Variants in DOCK2 observed in about 807,000 individuals in gnomAD.
The protein encoded by DOCK2 is dedicator of cytokinesis protein 2.
Under a neutral mutation model 248.9 loss-of-function variants are expected in DOCK2, and 87 were observed. The observed-to-expected ratio is 0.35, with a 90% CI of 0.29 to 0.42. DOCK2 has a LOEUF of 0.42. Among genes scored for constraint, DOCK2 ranks in the 10% least tolerant of loss-of-function variants. The pLI is 1.00. For missense variants in DOCK2, 1,747 were observed against 2,300.2 expected, an observed-to-expected ratio of 0.76 and a Z score of 4.92; for synonymous variants, 805 against 821.6, an observed-to-expected ratio of 0.98 and a Z score of 0.35.
intron 1 of DOCK2, among the ~76,000 whole-genome samples, chr5:169,653,780 C>A (rs1757939305): frequency 6.6e-6 from 1 of 152,246 alleles, no homozygotes; most frequent in South Asian, 2.1e-4. Flanking sequence ...CATTAGAATA[C>A]AAGGCCCTGG....
At chr5:169,850,730 A>T (rs1770578414) in intron 27 of DOCK2, among the ~76,000 whole-genome samples, 2 of 152,154 alleles carry the variant, frequency 1.3e-5, no homozygotes, top group Admixed American at 6.5e-5. Flanking sequence ...CTAGGCCTAA[A>T]ATATATATAC....
chr5:169,645,303 T>A (rs1757396088), intron 1 of DOCK2, among the ~76,000 whole-genome samples: 1 of 152,222 alleles, frequency 6.6e-6, no homozygotes, highest in Admixed American at 6.5e-5. Context: ...ATCTATAGTT[T>A]CTTGACTTTT....
intron 30 of DOCK2, among the ~76,000 whole-genome samples, chr5:169,998,460 A>G (rs902547742): frequency 1.3e-5 from 2 of 152,244 alleles, no homozygotes; most frequent in Admixed American, 6.5e-5. Flanking sequence ...TGACAATGAG[A>G]GCGATAATAA....
intron 34 of DOCK2, among the ~76,000 whole-genome samples, chr5:170,031,612 T>A (rs189463438): frequency 6.6e-6 from 1 of 152,344 alleles, no homozygotes; most frequent in East Asian, 1.9e-4. Context: ...AGTATCATTA[T>A]ATATTATGGT....
At chr5:169,994,776 C>T (rs979167930) in intron 29 of DOCK2, among the ~76,000 whole-genome samples, 2 of 152,108 alleles carry the variant, frequency 1.3e-5, no homozygotes, top group Admixed American at 6.6e-5. Flanking sequence ...GAGAGACTGT[C>T]CAGAGAAAGA....
chr5:169,887,554 C>A (rs1237163887), intron 27 of DOCK2, among the ~76,000 whole-genome samples: 2 of 152,164 alleles, frequency 1.3e-5, no homozygotes, highest in Non-Finnish European at 2.9e-5. Flanking sequence ...TTATGGTGTA[C>A]AGATCACACT....
At chr5:169,653,048 G>T (rs1757892208) in intron 1 of DOCK2, among the ~76,000 whole-genome samples, 1 of 152,164 alleles carries the variant, frequency 6.6e-6, no homozygotes, top group African/African-American at 2.4e-5. Context: ...GTATGACCTT[G>T]GGCAAGGCAA....
chr5:169,819,391 CT>C (rs1238774172), intron 26 of DOCK2, among the ~76,000 whole-genome samples: 1 of 152,124 alleles, frequency 6.6e-6, no homozygotes, highest in Non-Finnish European at 1.5e-5. Flanking sequence ...GAAGCCAAAG[CT>C]AGGGGATTGC....
chr5:169,779,102 C>T (rs909023978), intron 25 of DOCK2, among the ~76,000 whole-genome samples: 7 of 152,028 alleles, frequency 4.6e-5, no homozygotes, highest in Non-Finnish European at 8.8e-5. Flanking sequence ...TAAAGCTGCT[C>T]TTTAAACAAA....
At chr5:170,046,461 C>T (rs1311481822) in intron 39 of DOCK2, among the ~76,000 whole-genome samples, 2 of 152,106 alleles carry the variant, frequency 1.3e-5, no homozygotes, top group Non-Finnish European at 2.9e-5. Flanking sequence ...GCTTCCCTCC[C>T]GCCCATCCTC....
intron 27 of DOCK2, among the ~76,000 whole-genome samples, chr5:169,915,646 G>A (rs1320540399): frequency 6.6e-6 from 1 of 151,386 alleles, no homozygotes; most frequent in East Asian, 1.9e-4. Context: ...GACAGAGACT[G>A]AACAGATTAT....
At chr5:169,914,664 C>T (rs933075447) in intron 27 of DOCK2, among the ~76,000 whole-genome samples, 1 of 152,204 alleles carries the variant, frequency 6.6e-6, no homozygotes, top group Non-Finnish European at 1.5e-5. Context: ...TTTCTGGCAT[C>T]TTAGTAGTAA....
intron 27 of DOCK2, among the ~76,000 whole-genome samples, chr5:169,940,724 G>C (rs1485215814): frequency 6.6e-6 from 1 of 152,192 alleles, no homozygotes; most frequent in Admixed American, 6.5e-5. Flanking sequence ...TCTGACAGGA[G>C]GGGGAGCTCA....
At chr5:169,811,513 T>C (rs1189520251) in intron 26 of DOCK2, among the ~76,000 whole-genome samples, 4 of 152,084 alleles carry the variant, frequency 2.6e-5, no homozygotes, top group African/African-American at 7.2e-5. Flanking sequence ...TTGAAATACA[T>C]GAGATCACTG....
At chr5:170,004,019 G>C (rs914029884) in intron 30 of DOCK2, among the ~76,000 whole-genome samples, 1 of 152,208 alleles carries the variant, frequency 6.6e-6, no homozygotes, top group African/African-American at 2.4e-5. Flanking sequence ...GGCTCATAAA[G>C]GTCTTCCAGA....
rs191287671 is a variant in DOCK2 at position 170,013,124 on chromosome 5, C to T, written c.3232+4378C>T. 2.0e-4 allele frequency among the ~76,000 whole-genome samples: 31 copies of T among 152,098 alleles called. 1 individual carries two copies. The East Asian group carries it at 5.0e-3, about 25-fold the overall frequency. On this transcript the variant is annotated intron_variant, in intron 32 of 51. Coordinates refer to ENST00000520908, the MANE Select transcript of DOCK2 (RefSeq NM_004946.3). Reference sequence around the variant, plus strand: ...AATGGCTTCTGAATTGGAAGGAGGACCATGTCAGGACTGAAGGAAAGACAG... The same window carrying T: ...AATGGCTTCTGAATTGGAAGGAGGATCATGTCAGGACTGAAGGAAAGACAG...
intron 25 of DOCK2, among the ~76,000 whole-genome samples, chr5:169,774,984 C>T (rs1472949729): frequency 6.6e-6 from 1 of 152,148 alleles, no homozygotes; most frequent in Non-Finnish European, 1.5e-5. Flanking sequence ...TCTTGGCTCA[C>T]CGCAGCCTCC....
chr5:169,932,903 C>T (rs1775823565), intron 27 of DOCK2, among the ~76,000 whole-genome samples: 1 of 150,734 alleles, frequency 6.6e-6, no homozygotes, highest in South Asian at 2.1e-4. Flanking sequence ...AGTACCAATC[C>T]TGCATCCTCA....
chr5:169,702,464 G>A lies in DOCK2; in HGVS notation c.1383+37G>A, dbSNP rs758055460. On this transcript the variant is annotated intron_variant, in intron 14 of 51. Transcript: ENST00000520908. ...ACTGCTGCTCTGGGTGACAGGGTCC[G>A]CCTTGGGGGCCTCTGCTTGTAAAGA... is the stretch of plus-strand genomic sequence containing the variant. 8.1e-5 allele frequency: 130 copies of A among 1,608,052 alleles called. 1 individual carries two copies. Among genetic ancestry groups the A allele is most frequent in the Admixed American group, 6.2e-4 (37 of 59,426 alleles).
Sources: gnomAD v4.1 joint callset for allele counts (sites outside exome capture counted in the v4.1 genomes callset) on GRCh38, gnomAD v4.1.1 for gene constraint, MANE v1.5 for transcripts, NCBI Gene and HGNC (gene_info 2026-07-23, HGNC 2026-07-21) for gene names.